The following PPP4R2 variants were observed in gnomAD, a reference collection of about 807,000 sequenced individuals.
PPP4R2 encodes the protein protein phosphatase 4 regulatory subunit 2, also known as serine/threonine-protein phosphatase 4 regulatory subunit 2.
A neutral mutation model predicts 47.2 loss-of-function variants in PPP4R2; 13 were observed. That is an observed-to-expected ratio of 0.28 (90% CI 0.18 to 0.44). The LOEUF (loss-of-function observed/expected upper bound fraction) is 0.44. PPP4R2 is among the 20% of genes least tolerant of loss of function. The probability of loss-of-function intolerance (pLI) is 1.00; values close to 1 mark genes in which losing one functional copy is unlikely to be tolerated. For missense variants in PPP4R2, 421 were observed against 491.2 expected (o/e 0.86, Z 1.35); for synonymous variants, 151 against 163.3 (o/e 0.92, Z 0.57).
chr3:73,055,667 CTT>C (rs5850095), intron 3 of PPP4R2, among the ~76,000 whole-genome samples: 1 of 143,066 alleles, frequency 7.0e-6, no homozygotes, highest in African/African-American at 2.6e-5. Context: ...AAACCAAACG[CTT>C]TTTTTTTTTT....
At chr3:73,027,983 C>G (rs1702099524) in intron 2 of PPP4R2, 1 of 144,988 alleles carries the variant, frequency 6.9e-6, no homozygotes, top group Non-Finnish European at 1.5e-5. Flanking sequence ...GGGCTGGGCA[C>G]TAGTGAGTCA....
intron 3 of PPP4R2, among the ~76,000 whole-genome samples, chr3:73,054,822 T>C (rs1384737500): frequency 2.0e-5 from 3 of 152,188 alleles, no homozygotes; most frequent in Non-Finnish European, 4.4e-5. Context: ...TTAGTACTTT[T>C]ATAGAAATTT....
chr3:73,027,337 A>G (rs1702086926), intron 2 of PPP4R2, among the ~76,000 whole-genome samples: 1 of 152,190 alleles, frequency 6.6e-6, no homozygotes, highest in African/African-American at 2.4e-5. Flanking sequence ...CATGTTGGCC[A>G]GGGTGATCTC....
intron 2 of PPP4R2, 73 bp from the exon 3 acceptor site, chr3:73,047,106 GTATATTT>G (rs1310270724): frequency 1.3e-6 from 1 of 789,722 alleles, no homozygotes; most frequent in Non-Finnish European, 2.0e-6. Flanking sequence ...TAGTGTCATA[GTATATTT>G]TATATTTGTG....
In PPP4R2 at chr3:73,067,066, T is replaced by G. The variant is rs1267763571; in HGVS notation, c.*1344T>G. ...TTTTTAAATTTCTGTAAAGTAGATT[T>G]TGTAGAATGTAATGTGTTCACTGCC... On this transcript the variant is annotated 3_prime_UTR_variant, in exon 9 of 9. Coordinates refer to ENST00000356692, the MANE Select transcript of PPP4R2 (RefSeq NM_174907.4). 2.0e-5 allele frequency: 3 copies of G among 152,140 alleles called. No individual in the cohort carries two copies. Among genetic ancestry groups the G allele is most frequent in the Non-Finnish European group, 4.4e-5 (3 of 67,978 alleles). The allele number at this position is 152,140 out of a possible 1,614,324, so 9.4% of individuals were successfully genotyped here.
At chr3:73,027,198 G>T (rs1030385522) in intron 2 of PPP4R2, among the ~76,000 whole-genome samples, 1 of 152,146 alleles carries the variant, frequency 6.6e-6, no homozygotes, top group Non-Finnish European at 1.5e-5. Flanking sequence ...CATGATCTCA[G>T]CTCACTGAAC....
intron 2 of PPP4R2, among the ~76,000 whole-genome samples, chr3:73,030,993 C>T (rs1702155569): frequency 1.3e-5 from 2 of 151,968 alleles, no homozygotes; most frequent in African/African-American, 4.8e-5. Context: ...TGAGCCACCG[C>T]ACTGGGCCAG....
At chr3:73,001,980 CT>C (rs1575834468) in intron 2 of PPP4R2, among the ~76,000 whole-genome samples, 1 of 151,940 alleles carries the variant, frequency 6.6e-6, no homozygotes, top group African/African-American at 2.4e-5. Context: ...CATGTATATT[CT>C]TTTTTCTCCC....
intron 5 of PPP4R2, 100 bp from the exon 6 acceptor site, chr3:73,063,573 G>C (rs1454171893): frequency 1.5e-6 from 1 of 673,776 alleles, no homozygotes; most frequent in African/African-American, 1.8e-5. Context: ...GCAGTGAGCT[G>C]AGATTGCACC....
At chr3:73,027,153 G>T (rs1575857351) in intron 2 of PPP4R2, among the ~76,000 whole-genome samples, 1 of 152,276 alleles carries the variant, frequency 6.6e-6, no homozygotes, top group African/African-American at 2.4e-5. Flanking sequence ...TTTTGAGACA[G>T]AGTCTTGCTC....
chr3:73,032,509 G>A (rs1395732822), intron 2 of PPP4R2, among the ~76,000 whole-genome samples: 1 of 152,062 alleles, frequency 6.6e-6, no homozygotes, highest in East Asian at 1.9e-4. Context: ...GGATGGTCTT[G>A]ATTTCCTGAC....
At chr3:73,049,821 C>T (rs1702572115) in intron 3 of PPP4R2, among the ~76,000 whole-genome samples, 1 of 151,244 alleles carries the variant, frequency 6.6e-6, no homozygotes, top group African/African-American at 2.4e-5. Flanking sequence ...TTTGTAATTT[C>T]TTAATCTGTA....
chr3:73,004,673 G>A (rs769503057), intron 2 of PPP4R2, among the ~76,000 whole-genome samples: 15 of 152,006 alleles, frequency 9.9e-5, no homozygotes, highest in East Asian at 1.9e-4. Context: ...TTGAACTCCC[G>A]AGCTTAAGTG....
At chr3:73,000,406 G>C (rs1247949881) in intron 2 of PPP4R2, among the ~76,000 whole-genome samples, 5 of 152,182 alleles carry the variant, frequency 3.3e-5, no homozygotes. Context: ...AACAGAAGTA[G>C]TATGTGAAAC....
chr3:73,025,393 T>C (rs1237284874), intron 2 of PPP4R2, among the ~76,000 whole-genome samples: 1 of 152,234 alleles, frequency 6.6e-6, no homozygotes, highest in Non-Finnish European at 1.5e-5. Flanking sequence ...TTGTTCTTAC[T>C]AAGATCTTTG....
At chr3:73,062,066 G>A in intron 5 of PPP4R2, 1 of 1,509,518 alleles carries the variant, frequency 6.6e-7, no homozygotes, top group Non-Finnish European at 8.9e-7. Context: ...GCAGAGTCAA[G>A]TCATAGCGAC....
intron 2 of PPP4R2, among the ~76,000 whole-genome samples, chr3:73,046,300 A>T (rs1702486096): frequency 6.6e-6 from 1 of 152,186 alleles, no homozygotes; most frequent in South Asian, 2.1e-4. Context: ...GGGTTGCTGC[A>T]TGGGATGGAA....
At chr3:73,020,150 A>G (rs987874518) in intron 2 of PPP4R2, among the ~76,000 whole-genome samples, 30 of 152,182 alleles carry the variant, frequency 2.0e-4, no homozygotes, top group Non-Finnish European at 1.5e-4. Flanking sequence ...TAAGTGTGCC[A>G]GCATAGTCAG....
At chr3:73,003,738 G>A (rs1357207900) in intron 2 of PPP4R2, among the ~76,000 whole-genome samples, 2 of 151,094 alleles carry the variant, frequency 1.3e-5, no homozygotes, top group African/African-American at 2.4e-5. Flanking sequence ...TTGCTCTGTT[G>A]CCCAGGCTGG....
Sources: gnomAD v4.1 joint callset for allele counts (sites outside exome capture counted in the v4.1 genomes callset) on GRCh38, gnomAD v4.1.1 for gene constraint, MANE v1.5 for transcripts, NCBI Gene and HGNC (gene_info 2026-07-23, HGNC 2026-07-21) for gene names.